Variants in GORASP2 observed in about 807,000 individuals in gnomAD.
The protein encoded by GORASP2 is golgi reassembly stacking protein 2, also known as Golgi reassembly-stacking protein 2.
Under a neutral mutation model 45.7 loss-of-function variants are expected in GORASP2, and 22 were observed. That is an observed-to-expected ratio of 0.48 (90% confidence interval 0.34 to 0.69). GORASP2 has a LOEUF of 0.69. GORASP2 is among the 30% of genes least tolerant of loss of function. GORASP2 has a pLI of 0.01. For synonymous variants in GORASP2, 221 were observed against 215.6 expected (o/e 1.02, Z -0.22); for missense variants, 491 against 562.7 (o/e 0.87, Z 1.29).
chr2:170,935,896 T>C (rs1162079594), intron 1 of GORASP2, among the ~76,000 whole-genome samples: 5 of 152,148 alleles, frequency 3.3e-5, no homozygotes, highest in Admixed American at 6.6e-5. Context: ...TTCGTACTTA[T>C]GTGATGAGGT....
chr2:170,932,242 CTCT>C lies in GORASP2; in HGVS notation c.63+2848_63+2850del, dbSNP rs1421901735. Among the ~76,000 whole-genome samples the C allele has an allele frequency of 1.1e-4, 16 of 152,186 alleles. 1 individual carries two copies. The East Asian group carries it at 2.1e-3, about 20-fold the overall frequency. ...GACTTCTTTTCAAAAAAAAAAGAGT[CTCT>C]TCTTCTTCCACCCTTCTCTCTTTCT... is the stretch of plus-strand genomic sequence containing the variant. On this transcript the variant is annotated intron_variant, in intron 1 of 9. Transcript: ENST00000234160.
intron 5 of GORASP2, among the ~76,000 whole-genome samples, chr2:170,951,947 A>G (rs1704309513): frequency 6.6e-6 from 1 of 152,238 alleles, no homozygotes; most frequent in African/African-American, 2.4e-5. Context: ...GTGTCATCCA[A>G]GAGTCTGGCC....
intron 1 of GORASP2, among the ~76,000 whole-genome samples, chr2:170,935,577 T>C (rs933255793): frequency 1.3e-5 from 2 of 150,564 alleles, no homozygotes; most frequent in African/African-American, 2.5e-5. Flanking sequence ...CACCTCTTTT[T>C]TTTTTTTTTT....
At chr2:170,937,414 T>G (rs949382640) in intron 1 of GORASP2, among the ~76,000 whole-genome samples, 8 of 152,138 alleles carry the variant, frequency 5.3e-5, no homozygotes, top group African/African-American at 1.7e-4. Flanking sequence ...TTGCCCAGGC[T>G]GGTCTCAAAC....
chr2:170,936,106 G>A (rs983130953), intron 1 of GORASP2, among the ~76,000 whole-genome samples: 6 of 151,708 alleles, frequency 4.0e-5, no homozygotes, highest in Non-Finnish European at 8.8e-5. Context: ...TAACATCAGT[G>A]TGTTCATTTT....
At chr2:170,932,289 A>G (rs1310121106) in intron 1 of GORASP2, among the ~76,000 whole-genome samples, 1 of 152,004 alleles carries the variant, frequency 6.6e-6, no homozygotes, top group Non-Finnish European at 1.5e-5. Context: ...CCTTGTAATC[A>G]TGATCCATGC....
chr2:170,957,795 C>G (rs944212987), intron 7 of GORASP2, among the ~76,000 whole-genome samples: 1 of 151,852 alleles, frequency 6.6e-6, no homozygotes. Flanking sequence ...CAAAAGAAAC[C>G]CTGTACGCAT....
At chr2:170,945,281 C>G (rs897126671) in intron 1 of GORASP2, among the ~76,000 whole-genome samples, 3 of 151,954 alleles carry the variant, frequency 2.0e-5, no homozygotes, top group Non-Finnish European at 4.4e-5. Context: ...GGCAACATAG[C>G]AAGACCCCCA....
Position 170,929,288 on chromosome 2 carries a change from TG to T in GORASP2, c.-48del. On this transcript the variant is annotated 5_prime_UTR_variant, in exon 1 of 10. Coordinates refer to ENST00000234160, the MANE Select transcript of GORASP2 (RefSeq NM_015530.5). ...CGGAGGATTAGAGCAGGCGGTGCGC[TG>T]GGGGCGGGAGCAGCGCGGAGCCCGG... The T allele has an allele frequency of 2.3e-6, 3 of 1,297,664 alleles. No individual in the cohort carries two copies. The highest frequency in any genetic ancestry group is 2.0e-5 in the South Asian group (1 of 50,276). The allele number at this position is 1,297,664 out of a possible 1,614,324, so 80.4% of individuals were successfully genotyped here. A position where few individuals can be genotyped will look rare whatever the true frequency, so the allele number is the denominator to read the frequency against.
intron 1 of GORASP2, 40 bp downstream of exon 1, chr2:170,929,443 G>A: frequency 7.6e-7 from 1 of 1,324,496 alleles, no homozygotes; most frequent in South Asian, 2.0e-5. Context: ...GCGGGCTGGA[G>A]GCGGGGCCGG....
At chr2:170,950,546 AG>A (rs1288164776) in intron 4 of GORASP2, among the ~76,000 whole-genome samples, 1 of 152,244 alleles carries the variant, frequency 6.6e-6, no homozygotes, top group East Asian at 1.9e-4. Flanking sequence ...GCATACCTGA[AG>A]TCTAAATCAA....
At chr2:170,956,807 G>A (rs532352654) in intron 7 of GORASP2, among the ~76,000 whole-genome samples, 17 of 151,950 alleles carry the variant, frequency 1.1e-4, no homozygotes, top group Non-Finnish European at 8.8e-5. Context: ...CCAGCTCCTC[G>A]AGAGCCTGAG....
At position 170,929,269 on chromosome 2, in the gene GORASP2, A is replaced by T. The variant is rs1703753015; in HGVS notation, c.-72A>T. ...CCACGTCCCAAGTGCTACGCGGAGG[A>T]TTAGAGCAGGCGGTGCGCTGGGGGC... On this transcript the variant is annotated 5_prime_UTR_variant, in exon 1 of 10. Transcript: ENST00000234160. The T allele has an allele frequency of 1.7e-6, 2 of 1,203,364 alleles. No homozygotes were observed. Among genetic ancestry groups the T allele is most frequent in the East Asian group, 6.4e-5 (2 of 31,450 alleles). The allele number at this position is 1,203,364 out of a possible 1,614,324, so 74.5% of individuals were successfully genotyped here. A position where few individuals can be genotyped will look rare whatever the true frequency, so the allele number is the denominator to read the frequency against.
chr2:170,954,615 T>G, intron 5 of GORASP2, 35 bp from the exon 6 acceptor site: 4 of 1,581,224 alleles, frequency 2.5e-6, no homozygotes, highest in Non-Finnish European at 3.5e-6. Context: ...CAAGCTGTGA[T>G]AGATAACAAC....
chr2:170,951,603 A>G, intron 5 of GORASP2, 145 bp downstream of exon 5: 3 of 615,172 alleles, frequency 4.9e-6, no homozygotes, highest in Middle Eastern at 4.3e-4. Context: ...AGTCTAGAAT[A>G]TTGAAACCAA....
intron 7 of GORASP2, among the ~76,000 whole-genome samples, chr2:170,958,027 G>A (rs894190887): frequency 6.6e-6 from 1 of 152,088 alleles, no homozygotes; most frequent in Non-Finnish European, 1.5e-5. Context: ...ATCCCACTTT[G>A]TTCTGTAATG....
intron 7 of GORASP2, among the ~76,000 whole-genome samples, chr2:170,958,101 C>T (rs1167462439): frequency 1.3e-5 from 2 of 152,250 alleles, no homozygotes; most frequent in East Asian, 3.9e-4. Flanking sequence ...GAATTGGTCT[C>T]CTAGGTTCTC....
Position 170,965,794 on chromosome 2 carries a change from G to T in GORASP2, c.1023G>T (p.Leu341=), listed in dbSNP as rs1217824756. The change falls in exon 10 of 10, where the codon CTG becomes CTT. Residue 341 remains leucine (L), a synonymous_variant. Transcript: ENST00000234160. ...VGLPELVNPG[L]PPLPSMPPRN... is the part of the protein sequence containing the mutation. ...TCTATGCCGTTTTTGTCCTAGGTCT[G>T]CCACCTCTTCCTTCCATGCCTCCCC... 1 of 1,612,442 alleles carries T rather than the reference G, an allele frequency of 6.2e-7. No individual in the cohort carries two copies. Among genetic ancestry groups the T allele is most frequent in the Non-Finnish European group, 8.5e-7 (1 of 1,178,606 alleles).
chr2:170,949,380 G>C (rs559019064), intron 2 of GORASP2, 159 bp from the exon 3 acceptor site: 4 of 579,088 alleles, frequency 6.9e-6, no homozygotes. Flanking sequence ...TTAATTTCTT[G>C]ACATTCTTTT....
Sources: allele counts gnomAD v4.1 joint callset (sites outside exome capture counted in the v4.1 genomes callset), GRCh38; gene constraint gnomAD v4.1.1; transcripts MANE v1.5; gene names NCBI Gene and HGNC (gene_info 2026-07-23, HGNC 2026-07-21).